The following LNX1 variants were observed in gnomAD, a reference collection of about 807,000 sequenced individuals.
LNX1 encodes ligand of numb-protein X 1, also known as E3 ubiquitin-protein ligase LNX.
Under a neutral mutation model 68.4 loss-of-function variants are expected in LNX1, and 54 were observed. That is an observed-to-expected ratio of 0.79 (90% CI 0.63 to 0.99). The LOEUF (loss-of-function observed/expected upper bound fraction) is 0.99. LNX1 is among the 50% of genes least tolerant of loss of function. The pLI is 0.00. For missense variants in LNX1, 906 were observed against 926.4 expected, an observed-to-expected ratio of 0.98 and a Z score of 0.29; for synonymous variants, 336 against 350.0, an observed-to-expected ratio of 0.96 and a Z score of 0.45.
In LNX1 at chr4:53,498,842, G is replaced by T; in HGVS notation, c.777C>A (p.Val259=). Reference sequence around the variant, plus strand: ...GAATCAGGTGGTACAACCTTGGAAAGACTGAAATGGACAAAGAGTGTTTAT... The same window carrying T: ...GAATCAGGTGGTACAACCTTGGAAATACTGAAATGGACAAAGAGTGTTTAT... The part of the protein sequence containing the change: ...ENSENTTAPE[V]FPRLYHLIPD... The change falls in exon 5 of 11, where the codon GTC becomes GTA. Residue 259 remains valine (V), a splice_region_variant and synonymous_variant. Transcript: ENST00000263925. 6.2e-7 allele frequency: 1 copy of T among 1,611,192 alleles called. No individual in the cohort carries two copies. The highest frequency in any genetic ancestry group is 8.5e-7 in the Non-Finnish European group (1 of 1,177,992).
intron 2 of LNX1, among the ~76,000 whole-genome samples, chr4:53,546,899 A>G (rs1729151769): frequency 6.6e-6 from 1 of 152,186 alleles, no homozygotes; most frequent in Non-Finnish European, 1.5e-5. Context: ...GCTGTGTGGA[A>G]GGCGAGGCCT....
chr4:53,617,692 T>C (rs1733730750), upstream of LNX1, among the ~76,000 whole-genome samples: 1 of 152,228 alleles, frequency 6.6e-6, no homozygotes, highest in South Asian at 2.1e-4. Context: ...TCTTGTTTTG[T>C]TGAAGTTAAG....
chr4:53,486,624 T>C (rs2109435452), intron 6 of LNX1, among the ~76,000 whole-genome samples: 1 of 152,268 alleles, frequency 6.6e-6, no homozygotes, highest in East Asian at 1.9e-4. Context: ...GGGAATATAC[T>C]TAAGGGTCTC....
rs148264857 is a variant in LNX1 at position 53,459,386 on chromosome 4, A to C, written c.*1521T>G. On this transcript the variant is annotated 3_prime_UTR_variant, in exon 11 of 11. Transcript: ENST00000263925. ...AAAAATCTAAAAGAAGCAAAGAAGG[A>C]AAAGAAGCGGGCAGTGAGCCTGCCC... 10 of 1,613,020 alleles carry C rather than the reference A, an allele frequency of 6.2e-6. No homozygotes were observed. Among genetic ancestry groups the C allele is most frequent in the Non-Finnish European group, 6.8e-6 (8 of 1,179,638 alleles).
At chr4:53,580,049 T>A (rs1032085725) in intron 1 of LNX1, among the ~76,000 whole-genome samples, 5 of 152,152 alleles carry the variant, frequency 3.3e-5, no homozygotes, top group Non-Finnish European at 7.4e-5. Context: ...TTGTCAAAGA[T>A]GAAACACTAT....
chr4:53,558,308 C>T, intron 2 of LNX1: 1 of 1,087,986 alleles, frequency 9.2e-7, no homozygotes, highest in Non-Finnish European at 1.1e-6. Flanking sequence ...ATTTACATCA[C>T]CGGCTGGGAG....
chr4:53,500,957 A>C (rs1725432532), intron 4 of LNX1, among the ~76,000 whole-genome samples: 1 of 152,196 alleles, frequency 6.6e-6, no homozygotes, highest in Non-Finnish European at 1.5e-5. Context: ...ACAGATTTAC[A>C]AAAACCACAC....
chr4:53,508,443 C>T, intron 2 of LNX1: 3 of 571,212 alleles, frequency 5.3e-6, no homozygotes, highest in Non-Finnish European at 9.1e-6. Context: ...TTTTTAAAGA[C>T]GCCCACTGCA....
chr4:53,623,014 G>T (rs1169331496), intron 1 of LNX1, among the ~76,000 whole-genome samples: 1 of 152,158 alleles, frequency 6.6e-6, no homozygotes, highest in African/African-American at 2.4e-5. Flanking sequence ...TAGGGAAAAT[G>T]AGTCATAAAG....
intron 2 of LNX1, among the ~76,000 whole-genome samples, chr4:53,532,425 A>G (rs932700052): frequency 3.3e-5 from 5 of 152,204 alleles, no homozygotes; most frequent in African/African-American, 9.6e-5. Flanking sequence ...TAGTGAGCCG[A>G]GATAGACTCC....
chr4:53,606,613 G>T (rs1346541646), intron 2 of LNX1, among the ~76,000 whole-genome samples: 1 of 151,848 alleles, frequency 6.6e-6, no homozygotes, highest in African/African-American at 2.4e-5. Flanking sequence ...CATTCTATTT[G>T]GTATCATCCT....
chr4:53,474,395 C>T (rs1560615341), intron 9 of LNX1, among the ~76,000 whole-genome samples: 1 of 152,152 alleles, frequency 6.6e-6, no homozygotes, highest in Admixed American at 6.5e-5. Context: ...CATGTATTGC[C>T]TGTGGCTGCT....
At chr4:53,621,299 C>T (rs1238511933), upstream of LNX1, among the ~76,000 whole-genome samples, 1 of 152,218 alleles carries the variant, frequency 6.6e-6, no homozygotes, top group African/African-American at 2.4e-5. Flanking sequence ...GGGATGCCCT[C>T]TGGGACCCCA....
At chr4:53,554,177 C>T (rs748152399) in intron 2 of LNX1, among the ~76,000 whole-genome samples, 22 of 152,194 alleles carry the variant, frequency 1.4e-4, no homozygotes, top group Non-Finnish European at 2.5e-4. Context: ...GTCCAGCTCT[C>T]GCCATTGGAC....
Position 53,573,693 on chromosome 4 carries a change from T to A in LNX1, c.310A>T (p.Thr104Ser), listed in dbSNP as rs1198013870. 2 of 1,610,070 alleles carry A rather than the reference T, an allele frequency of 1.2e-6. No individual in the cohort carries two copies. Among genetic ancestry groups the A allele is most frequent in the South Asian group, 2.2e-5 (2 of 89,984 alleles). ...GTGCAGTGCTCCCTGAATGGGCAGG[T>A]CACCAGTAGCTTGTTGAGGAGTTTG... ...VNKLLNKLLV[T>S]CPFREHCTQV... The change falls in exon 2 of 11, where the codon ACC becomes TCC. Residue 104 changes from threonine to serine, a missense_variant. Transcript: ENST00000263925.
At chr4:53,557,814 G>A (rs1329671941) in intron 2 of LNX1, 4 of 1,598,874 alleles carry the variant, frequency 2.5e-6, no homozygotes, top group Non-Finnish European at 3.4e-6. Flanking sequence ...ATGGACTCGG[G>A]TCCCACCCCC....
intron 2 of LNX1, among the ~76,000 whole-genome samples, chr4:53,512,843 T>C (rs1726455250): frequency 6.6e-6 from 1 of 151,914 alleles, no homozygotes. Context: ...TGAGGTGGGG[T>C]TCCTGGGGCC....
At chr4:53,619,268 A>G (rs1733783697), upstream of LNX1, among the ~76,000 whole-genome samples, 1 of 152,218 alleles carries the variant, frequency 6.6e-6, no homozygotes, top group Non-Finnish European at 1.5e-5. Flanking sequence ...ATACTAAAAT[A>G]TATACAAACA....
chr4:53,483,539 T>C (rs1724087346), intron 6 of LNX1, among the ~76,000 whole-genome samples: 2 of 152,228 alleles, frequency 1.3e-5, no homozygotes, highest in Non-Finnish European at 2.9e-5. Flanking sequence ...TCTGGTGGCC[T>C]AGGCTGAAGT....
Sources: allele counts gnomAD v4.1 joint callset (sites outside exome capture counted in the v4.1 genomes callset), GRCh38; gene constraint gnomAD v4.1.1; transcripts MANE v1.5; gene names NCBI Gene and HGNC (gene_info 2026-07-23, HGNC 2026-07-21).